ENPP2: variants seen among roughly 807,000 people sequenced by gnomAD.
The protein encoded by ENPP2 is ectonucleotide pyrophosphatase/phosphodiesterase 2.
A neutral mutation model predicts 120.2 loss-of-function variants in ENPP2; 51 were observed. The observed-to-expected ratio is 0.42, with a 90% CI of 0.34 to 0.54. The LOEUF (loss-of-function observed/expected upper bound fraction) is 0.54. Ranked by LOEUF, ENPP2 falls within the 20% of genes least tolerant of loss-of-function variation. ENPP2 has a pLI of 0.04. For synonymous variants in ENPP2, 365 were observed against 366.4 expected, an observed-to-expected ratio of 1.00 and a Z score of 0.04; for missense variants, 920 against 1,066.5, an observed-to-expected ratio of 0.86 and a Z score of 1.91.
intron 11 of ENPP2, among the ~76,000 whole-genome samples, chr8:119,598,539 T>G (rs890781053): frequency 6.6e-6 from 1 of 152,174 alleles, no homozygotes; most frequent in African/African-American, 2.4e-5. Context: ...TCAAAAAAAC[T>G]TATTTGTTTC....
At position 119,665,489 on chromosome 8, in the gene ENPP2, A is replaced by T. The variant is rs568501839; in HGVS notation, c.21+7763T>A. The stretch of plus-strand genomic sequence containing the variant: ...GAAATGCCTTTATTCTGTGGCAAAC[A>T]TGTCATTTTCCCTTATATTTAGCTT... On this transcript the variant is annotated intron_variant, in intron 1 of 25. Transcript: ENST00000427067. 5.9e-5 allele frequency among the ~76,000 whole-genome samples: 9 copies of T among 152,330 alleles called. No individual in the cohort carries two copies. In the East Asian group the frequency reaches 1.7e-3, roughly 29 times the overall value.
intron 1 of ENPP2, among the ~76,000 whole-genome samples, chr8:119,672,414 T>G (rs1818277489): frequency 6.6e-6 from 1 of 152,174 alleles, no homozygotes; most frequent in Non-Finnish European, 1.5e-5. Context: ...CGGCTCTTGC[T>G]TCACTTGTTA....
intron 18 of ENPP2, 103 bp from the exon 19 acceptor site, chr8:119,580,270 G>T: frequency 1.1e-6 from 1 of 876,082 alleles, no homozygotes; most frequent in Non-Finnish European, 1.9e-6. Flanking sequence ...ATTCAAAAGC[G>T]AACTCTAAAC....
At chr8:119,566,076 C>T (rs756501518) in intron 22 of ENPP2, among the ~76,000 whole-genome samples, 3 of 152,200 alleles carry the variant, frequency 2.0e-5, no homozygotes, top group African/African-American at 7.2e-5. Flanking sequence ...AGCTTTTGCA[C>T]TTGCTCTTTC....
chr8:119,660,071 C>A (rs1037359417), intron 1 of ENPP2, among the ~76,000 whole-genome samples: 21 of 152,166 alleles, frequency 1.4e-4, no homozygotes, highest in Admixed American at 1.3e-3. Flanking sequence ...GAAAATGTAT[C>A]TCTCCTAGCT....
intron 1 of ENPP2, among the ~76,000 whole-genome samples, chr8:119,671,263 T>C (rs1339047990): frequency 6.6e-6 from 1 of 151,970 alleles, no homozygotes; most frequent in Non-Finnish European, 1.5e-5. Flanking sequence ...ATTGCGCCAC[T>C]GCACTCCAGT....
chr8:119,647,877 C>T (rs113869986), intron 1 of ENPP2, among the ~76,000 whole-genome samples: 3,445 of 151,992 alleles, frequency 0.023, 78 homozygotes, highest in Middle Eastern at 0.11. Context: ...TGGTGGTGGG[C>T]GCCTGTAATC....
chr8:119,616,166 A>G, intron 8 of ENPP2, 99 bp downstream of exon 8: 3 of 1,131,214 alleles, frequency 2.7e-6, no homozygotes, highest in Non-Finnish European at 3.8e-6. Context: ...AGTATGAGGA[A>G]ATTATACGCA....
chr8:119,559,223 A>G (rs1813720402), intron 24 of ENPP2, among the ~76,000 whole-genome samples: 2 of 152,212 alleles, frequency 1.3e-5, no homozygotes, highest in Admixed American at 6.5e-5. Flanking sequence ...GGAGGTCTCC[A>G]GATGGGTCAG....
chr8:119,602,081 A>C (rs1470583891), intron 9 of ENPP2, among the ~76,000 whole-genome samples: 1 of 152,240 alleles, frequency 6.6e-6, no homozygotes. Flanking sequence ...AACACTACCT[A>C]ACCTGAAACT....
chr8:119,593,728 A>C, intron 12 of ENPP2, 24 bp downstream of exon 12: 1 of 1,356,530 alleles, frequency 7.4e-7, no homozygotes, highest in Non-Finnish European at 1.1e-6. Flanking sequence ...CTATCCTATT[A>C]GCAAAGAAAA....
upstream of ENPP2, among the ~76,000 whole-genome samples, chr8:119,640,490 CT>C (rs1157221224): frequency 6.6e-6 from 1 of 152,184 alleles, no homozygotes; most frequent in Non-Finnish European, 1.5e-5. Flanking sequence ...AAAACAGCCT[CT>C]TCTTTTGCCT....
chr8:119,622,175 C>T (rs1298746075), intron 3 of ENPP2, among the ~76,000 whole-genome samples: 1 of 152,174 alleles, frequency 6.6e-6, no homozygotes, highest in Non-Finnish European at 1.5e-5. Flanking sequence ...GTGATCCTCC[C>T]ACCTTGGCCT....
At chr8:119,623,771 G>T (rs1015105878) in intron 3 of ENPP2, among the ~76,000 whole-genome samples, 3 of 151,880 alleles carry the variant, frequency 2.0e-5, no homozygotes, top group African/African-American at 7.3e-5. Context: ...GATTACAGGT[G>T]CCTCCCCCCA....
chr8:119,582,454 G>A lies in ENPP2; in HGVS notation c.1692C>T (p.Asp564=). 1 of 1,613,998 alleles carries A rather than the reference G, an allele frequency of 6.2e-7. No homozygotes were observed. Among genetic ancestry groups the A allele is most frequent in the African/African-American group, 1.3e-5 (1 of 75,032 alleles). Residue 564 remains aspartate, a synonymous_variant, in exon 18 of 25, where the codon GAC becomes GAT. Coordinates refer to ENST00000075322, the MANE Select transcript of ENPP2 (RefSeq NM_001040092.3). Reference sequence around the variant, plus strand: ...CCTTATCATCACAAGTGCAGCCCAGGTCAAAATCAGACTGAAGGTACATAA... The same window carrying A: ...CCTTATCATCACAAGTGCAGCCCAGATCAAAATCAGACTGAAGGTACATAA... ...PGIMYLQSDF[D]LGCTCDDKVE...
chr8:119,608,841 G>T (rs1055153438), intron 8 of ENPP2, among the ~76,000 whole-genome samples: 2 of 152,052 alleles, frequency 1.3e-5, no homozygotes, highest in Non-Finnish European at 2.9e-5. Context: ...TTAACATCTG[G>T]CAAACACTCG....
At chr8:119,663,515 T>C (rs1187230215) in intron 1 of ENPP2, among the ~76,000 whole-genome samples, 1 of 152,230 alleles carries the variant, frequency 6.6e-6, no homozygotes, top group Non-Finnish European at 1.5e-5. Context: ...TGTTTTGTTG[T>C]TTTTTGCTAA....
At chr8:119,560,174 A>G (rs1813815679) in intron 24 of ENPP2, among the ~76,000 whole-genome samples, 1 of 152,232 alleles carries the variant, frequency 6.6e-6, no homozygotes. Context: ...CCTACTATGT[A>G]TATGAAATAC....
intron 16 of ENPP2, 47 bp from the exon 17 acceptor site, chr8:119,583,851 G>A: frequency 7.1e-7 from 1 of 1,412,132 alleles, no homozygotes; most frequent in Non-Finnish European, 1.0e-6. Context: ...TTGTTAGGTA[G>A]GAACCCTTCC....
Sources: allele counts gnomAD v4.1 joint callset (sites outside exome capture counted in the v4.1 genomes callset), GRCh38; gene constraint gnomAD v4.1.1; transcripts MANE v1.5; gene names NCBI Gene and HGNC (gene_info 2026-07-23, HGNC 2026-07-21).